The following FRMD3 variants were observed in gnomAD, a reference collection of about 807,000 sequenced individuals.
FRMD3 encodes the protein FERM domain-containing protein 3.
In FRMD3, 33 loss-of-function variants were observed where a neutral mutation model predicts 70.2. That is an observed-to-expected ratio of 0.47 (90% CI 0.36 to 0.63). FRMD3 has a LOEUF of 0.63. Among genes scored for constraint, FRMD3 ranks in the 20% least tolerant of loss-of-function variants. The pLI is 0.00. For synonymous variants in FRMD3, 279 were observed against 255.9 expected, an observed-to-expected ratio of 1.09 and a Z score of -0.86; for missense variants, 632 against 711.4, an observed-to-expected ratio of 0.89 and a Z score of 1.27.
chr9:83,483,790 G>T (rs764092065), intron 1 of FRMD3, among the ~76,000 whole-genome samples: 7 of 152,128 alleles, frequency 4.6e-5, no homozygotes, highest in Non-Finnish European at 5.9e-5. Context: ...AGCCCAAGAA[G>T]TTGAGACTGC....
chr9:83,312,565 A>G (rs1267371555), intron 7 of FRMD3, among the ~76,000 whole-genome samples: 1 of 152,258 alleles, frequency 6.6e-6, no homozygotes, highest in Non-Finnish European at 1.5e-5. Flanking sequence ...TCTGCATAAA[A>G]TTCACTAAAA....
At chr9:83,274,898 G>A (rs1433351684) in intron 13 of FRMD3, among the ~76,000 whole-genome samples, 1 of 152,202 alleles carries the variant, frequency 6.6e-6, no homozygotes, top group African/African-American at 2.4e-5. Context: ...TTCTGAGATA[G>A]AATTCATAGG....
intron 3 of FRMD3, among the ~76,000 whole-genome samples, chr9:83,359,079 C>G (rs1448117241): frequency 6.6e-6 from 1 of 152,138 alleles, no homozygotes; most frequent in East Asian, 1.9e-4. Context: ...GATCCTTCCC[C>G]CACTCTTACT....
chr9:83,352,505 T>C (rs972415441), intron 3 of FRMD3, among the ~76,000 whole-genome samples: 2 of 152,212 alleles, frequency 1.3e-5, no homozygotes, highest in Non-Finnish European at 2.9e-5. Flanking sequence ...TCCTTGACTA[T>C]GTCTGAGTGT....
chr9:83,309,630 T>TA lies in FRMD3; in HGVS notation c.838-7dup. The TA allele has an allele frequency of 6.4e-7, 1 of 1,558,814 alleles. No individual in the cohort carries two copies. The highest frequency in any genetic ancestry group is 8.7e-7 in the Non-Finnish European group (1 of 1,149,822). On this transcript the variant is annotated splice_region_variant and splice_polypyrimidine_tract_variant and intron_variant, in intron 9 of 13. Coordinates refer to ENST00000304195, the MANE Select transcript of FRMD3 (RefSeq NM_174938.6). ...AATGCCAACATGGCTTTTTTCTAATTAAAAAATAACAAAACAAGAAAAGGC... is the reference window on the plus strand; with the variant it reads ...AATGCCAACATGGCTTTTTTCTAATTAAAAAAATAACAAAACAAGAAAAGGC...
At chr9:83,358,902 A>C (rs1824494195) in intron 3 of FRMD3, among the ~76,000 whole-genome samples, 1 of 152,180 alleles carries the variant, frequency 6.6e-6, no homozygotes, top group African/African-American at 2.4e-5. Context: ...GAGCACCTAA[A>C]GGGGAGAACA....
chr9:83,445,616 A>C (rs1443824742), intron 1 of FRMD3, among the ~76,000 whole-genome samples: 1 of 152,216 alleles, frequency 6.6e-6, no homozygotes, highest in African/African-American at 2.4e-5. Context: ...CCTTGCAAAT[A>C]AGTTTATTAT....
chr9:83,555,840 T>C, the FRMD3 span, among the ~76,000 whole-genome samples: 2 of 152,196 alleles, frequency 1.3e-5, no homozygotes, highest in African/African-American at 4.8e-5. Context: ...AAGGCCCTGA[T>C]GGAGTGGGTT....
chr9:83,342,827 G>A (rs1243889080), intron 5 of FRMD3, among the ~76,000 whole-genome samples: 1 of 152,052 alleles, frequency 6.6e-6, no homozygotes, highest in Non-Finnish European at 1.5e-5. Flanking sequence ...TGTCCATTAG[G>A]CCTCTCACCT....
intron 1 of FRMD3, among the ~76,000 whole-genome samples, chr9:83,409,903 T>G (rs1249582333): frequency 6.6e-6 from 1 of 152,198 alleles, no homozygotes; most frequent in Non-Finnish European, 1.5e-5. Context: ...AACCAACCGG[T>G]CTGTCACAGT....
At chr9:83,405,929 A>C (rs1484292890) in intron 1 of FRMD3, among the ~76,000 whole-genome samples, 1 of 151,960 alleles carries the variant, frequency 6.6e-6, no homozygotes, top group East Asian at 1.9e-4. Flanking sequence ...TGCCAATTTT[A>C]CTCGGTCACA....
chr9:83,376,116 C>T (rs561351932), intron 2 of FRMD3, among the ~76,000 whole-genome samples: 8 of 148,156 alleles, frequency 5.4e-5, no homozygotes, highest in Non-Finnish European at 8.9e-5. Flanking sequence ...GCCAAGATGG[C>T]GCCATTGCAC....
At chr9:83,494,415 G>A (rs1448380724) in intron 1 of FRMD3, among the ~76,000 whole-genome samples, 2 of 152,046 alleles carry the variant, frequency 1.3e-5, no homozygotes, top group African/African-American at 2.4e-5. Flanking sequence ...TGCCAATTTG[G>A]TTGTTTTTTA....
chr9:83,439,543 T>C (rs1272640179), intron 1 of FRMD3, among the ~76,000 whole-genome samples: 2 of 150,808 alleles, frequency 1.3e-5, no homozygotes, highest in South Asian at 2.2e-4. Flanking sequence ...ATCTTTCTTG[T>C]AGTTGGCTTC....
At chr9:83,254,606 T>TAA (rs1832607093) in intron 13 of FRMD3, among the ~76,000 whole-genome samples, 1 of 151,362 alleles carries the variant, frequency 6.6e-6, no homozygotes, top group Non-Finnish European at 1.5e-5. Context: ...CGCTGAATTT[T>TAA]AGAAAAAAAT....
Position 83,245,270 on chromosome 9 carries a change from ACT to A in FRMD3, c.*2646_*2647del. 1 of 984,272 alleles carries A rather than the reference ACT, an allele frequency of 1.0e-6. No homozygotes were observed. The highest frequency in any genetic ancestry group is 1.2e-6 in the Non-Finnish European group (1 of 829,088). 61.0% of individuals were successfully genotyped at this position (984,272 alleles called of 1,614,324 possible). On this transcript the variant is annotated 3_prime_UTR_variant, in exon 14 of 14. Transcript: ENST00000304195. ...ACACTTGCTTTAAACTCTATATCTC[ACT>A]CTATAATATACTGTCCATCTCTGGA...
chr9:83,349,003 G>A (rs1824054269), intron 4 of FRMD3, among the ~76,000 whole-genome samples: 1 of 152,208 alleles, frequency 6.6e-6, no homozygotes, highest in Non-Finnish European at 1.5e-5. Context: ...TATAGCAAGT[G>A]ATTTTTGTGG....
intron 2 of FRMD3, among the ~76,000 whole-genome samples, chr9:83,384,117 G>A (rs1042757606): frequency 3.3e-5 from 5 of 152,138 alleles, no homozygotes; most frequent in African/African-American, 1.2e-4. Flanking sequence ...CAAGTTACTT[G>A]TACCTGTCTG....
the FRMD3 span, among the ~76,000 whole-genome samples, chr9:83,556,685 T>C: frequency 6.6e-6 from 1 of 152,108 alleles, no homozygotes; most frequent in South Asian, 2.1e-4. Context: ...CTTGTTAGAA[T>C]TTATTTGTAT....
Sources: allele counts gnomAD v4.1 joint callset (sites outside exome capture counted in the v4.1 genomes callset), GRCh38; gene constraint gnomAD v4.1.1; transcripts MANE v1.5; gene names NCBI Gene and HGNC (gene_info 2026-07-23, HGNC 2026-07-21).